The following PPP3CA variants were observed in gnomAD, a reference collection of about 807,000 sequenced individuals.
PPP3CA encodes the protein protein phosphatase 3 catalytic subunit alpha, also known as CAM-PRP catalytic subunit.
In PPP3CA, 14 loss-of-function variants were observed where a neutral mutation model predicts 66.5. That is an observed-to-expected ratio of 0.21 (90% CI 0.14 to 0.33). The LOEUF (loss-of-function observed/expected upper bound fraction) is 0.33, where lower values mean the gene tolerates loss of function less well. PPP3CA is among the 10% of genes least tolerant of loss of function. The probability of loss-of-function intolerance (pLI) is 1.00; values close to 1 mark genes in which losing one functional copy is unlikely to be tolerated. For synonymous variants in PPP3CA, 232 were observed against 226.2 expected, an observed-to-expected ratio of 1.03 and a Z score of -0.23; for missense variants, 317 against 639.5, an observed-to-expected ratio of 0.50 and a Z score of 5.44.
intron 2 of PPP3CA, among the ~76,000 whole-genome samples, chr4:101,185,838 G>A (rs570560435): frequency 5.3e-5 from 8 of 152,270 alleles, no homozygotes; most frequent in African/African-American, 1.9e-4. Flanking sequence ...GCTGTGGACA[G>A]CCTAAGTCTA....
In PPP3CA at chr4:101,169,000, G is replaced by A. The variant is rs191553275; in HGVS notation, c.259+26916C>T. ...CTATTTGCTGGATGATCAATAATAT[G>A]TACTGAATGAAACAATAATAAAGCT... On this transcript the variant is annotated intron_variant, in intron 2 of 13. Coordinates refer to ENST00000394854, the MANE Select transcript of PPP3CA (RefSeq NM_000944.5). 4.2e-3 allele frequency among the ~76,000 whole-genome samples: 638 copies of A among 152,214 alleles called. 5 individuals carry two copies. The highest frequency in any genetic ancestry group is 0.014 in the African/African-American group (592 of 41,530).
intron 6 of PPP3CA, among the ~76,000 whole-genome samples, chr4:101,092,997 G>A (rs1179616086): frequency 6.6e-6 from 1 of 152,102 alleles, no homozygotes; most frequent in Admixed American, 6.6e-5. Context: ...GGGTCAAATG[G>A]TATTTCTGGT....
chr4:101,265,669 G>A (rs938912481), intron 1 of PPP3CA, among the ~76,000 whole-genome samples: 2 of 152,150 alleles, frequency 1.3e-5, no homozygotes, highest in African/African-American at 4.8e-5. Flanking sequence ...GAAAGGTAAG[G>A]AGTGGCTAAA....
intron 6 of PPP3CA, among the ~76,000 whole-genome samples, chr4:101,089,477 T>G (rs888360387): frequency 6.6e-6 from 1 of 152,136 alleles, no homozygotes; most frequent in African/African-American, 2.4e-5. Context: ...CCAAAACACT[T>G]CAAAATCACT....
In PPP3CA at chr4:101,121,643, G is replaced by A. The variant is rs576127667; in HGVS notation, c.260-12565C>T. On this transcript the variant is annotated intron_variant, in intron 2 of 13. Transcript: ENST00000394854. ...ATTTTAATTAACAGGTAGTTATTAA[G>A]TACCTGCTGTGCCATAGGTGTAATG... Among the ~76,000 whole-genome samples, 9 of 152,110 alleles carry A rather than the reference G, an allele frequency of 5.9e-5. No homozygotes were observed. The South Asian group carries it at 1.7e-3, about 28-fold the overall frequency.
intron 1 of PPP3CA, among the ~76,000 whole-genome samples, chr4:101,247,941 C>T (rs1195248967): frequency 6.6e-6 from 1 of 151,700 alleles, no homozygotes; most frequent in Non-Finnish European, 1.5e-5. Context: ...TGTGTGTATA[C>T]ACACACACAC....
intron 10 of PPP3CA, among the ~76,000 whole-genome samples, chr4:101,059,698 C>T (rs537560051): frequency 1.0e-3 from 154 of 152,192 alleles, no homozygotes; most frequent in African/African-American, 3.3e-3. Context: ...TACATTTTAT[C>T]CATTTAAACT....
intron 2 of PPP3CA, among the ~76,000 whole-genome samples, chr4:101,186,379 T>G (rs1314315796): frequency 6.6e-6 from 1 of 152,146 alleles, no homozygotes; most frequent in Non-Finnish European, 1.5e-5. Context: ...TACACTTTGT[T>G]GGTAGTTCCA....
At chr4:101,247,445 C>CT (rs1205935494) in intron 1 of PPP3CA, among the ~76,000 whole-genome samples, 1 of 151,832 alleles carries the variant, frequency 6.6e-6, no homozygotes, top group Non-Finnish European at 1.5e-5. Flanking sequence ...TACAGGCCTC[C>CT]TTGTCATCTT....
intron 1 of PPP3CA, among the ~76,000 whole-genome samples, chr4:101,281,111 T>G (rs1479377990): frequency 6.6e-6 from 1 of 152,204 alleles, no homozygotes; most frequent in Non-Finnish European, 1.5e-5. Context: ...TCAAATTAGA[T>G]GAGCCTGCTA....
intron 2 of PPP3CA, among the ~76,000 whole-genome samples, chr4:101,132,730 T>C (rs970097644): frequency 1.3e-5 from 2 of 152,022 alleles, no homozygotes; most frequent in Non-Finnish European, 2.9e-5. Context: ...AAAGAGGGAC[T>C]CCTCCCTATC....
At chr4:101,279,708 G>A (rs567088189) in intron 1 of PPP3CA, among the ~76,000 whole-genome samples, 1 of 152,142 alleles carries the variant, frequency 6.6e-6, no homozygotes, top group Non-Finnish European at 1.5e-5. Flanking sequence ...AAAAGGGCAA[G>A]CTCTGTGAGG....
At chr4:101,299,114 T>C (rs1007288265) in intron 1 of PPP3CA, among the ~76,000 whole-genome samples, 1 of 93,062 alleles carries the variant, frequency 1.1e-5, no homozygotes, top group African/African-American at 4.4e-5. Flanking sequence ...TCGTTTTTTT[T>C]TTTTTTTTTT....
intron 1 of PPP3CA, among the ~76,000 whole-genome samples, chr4:101,302,529 G>T (rs984035549): frequency 6.6e-6 from 1 of 151,978 alleles, no homozygotes; most frequent in Non-Finnish European, 1.5e-5. Context: ...CTGCCATTAC[G>T]GCACTTTTCT....
intron 1 of PPP3CA, among the ~76,000 whole-genome samples, chr4:101,201,942 A>G (rs981357656): frequency 2.6e-5 from 4 of 152,346 alleles, no homozygotes; most frequent in Admixed American, 2.0e-4. Context: ...TGAGAGGAGC[A>G]GGAAGAAATG....
intron 10 of PPP3CA, among the ~76,000 whole-genome samples, chr4:101,056,731 G>A (rs1300496746): frequency 2.6e-5 from 4 of 151,918 alleles, no homozygotes; most frequent in African/African-American, 9.7e-5. Context: ...CTGGCAAGCA[G>A]CAGGAGAGAG....
intron 1 of PPP3CA, 147 bp downstream of exon 1, chr4:101,346,592 C>T: frequency 1.5e-6 from 1 of 656,796 alleles, no homozygotes; most frequent in Admixed American, 3.4e-5. Flanking sequence ...GCGGGGTTCG[C>T]GGGTTGCACA....
At chr4:101,050,429 C>G (rs1727958801) in intron 10 of PPP3CA, among the ~76,000 whole-genome samples, 1 of 152,096 alleles carries the variant, frequency 6.6e-6, no homozygotes, top group African/African-American at 2.4e-5. Flanking sequence ...AGACCTTGGT[C>G]TAAGTCCCAG....
At chr4:101,231,903 CA>C (rs1458565824) in intron 1 of PPP3CA, among the ~76,000 whole-genome samples, 1 of 151,656 alleles carries the variant, frequency 6.6e-6, no homozygotes, top group African/African-American at 2.4e-5. Context: ...CAAACCCTCC[CA>C]ATCATAAGTA....
Sources: gnomAD v4.1 joint callset for allele counts (sites outside exome capture counted in the v4.1 genomes callset) on GRCh38, gnomAD v4.1.1 for gene constraint, MANE v1.5 for transcripts, NCBI Gene and HGNC (gene_info 2026-07-23, HGNC 2026-07-21) for gene names.